The following ELP1 variants were observed in gnomAD, a reference collection of about 807,000 sequenced individuals.
The protein encoded by ELP1 is elongator complex protein 1.
Under a neutral mutation model 183.2 loss-of-function variants are expected in ELP1, and 131 were observed. The observed-to-expected ratio is 0.72, with a 90% CI of 0.62 to 0.83. The LOEUF (loss-of-function observed/expected upper bound fraction) is 0.83, where lower values mean the gene tolerates loss of function less well. Among genes scored for constraint, ELP1 ranks in the 40% least tolerant of loss-of-function variants. The pLI is 0.00. For missense variants in ELP1, 1,550 were observed against 1,594.9 expected, an observed-to-expected ratio of 0.97 and a Z score of 0.48; for synonymous variants, 555 against 569.0, an observed-to-expected ratio of 0.98 and a Z score of 0.35.
At chr9:108,901,735 C>A (rs1828818709) in intron 16 of ELP1, 54 bp from the exon 17 acceptor site, 1 of 1,522,730 alleles carries the variant, frequency 6.6e-7, no homozygotes, top group Middle Eastern at 1.7e-4. Flanking sequence ...ATCAGTTAAA[C>A]CTACCTTTTC....
Position 108,916,313 on chromosome 9 carries a change from G to C in ELP1, c.865-16C>G, listed in dbSNP as rs769617765. On this transcript the variant is annotated splice_polypyrimidine_tract_variant and intron_variant, in intron 9 of 36. Transcript: ENST00000374647. ...AGTCATTTACCTAGAAGGGAAAAAA[G>C]ATCTGTCATTGGCTTTCAGTTATGG... The C allele has an allele frequency of 1.3e-6, 2 of 1,589,950 alleles. No homozygotes were observed. The highest frequency in any genetic ancestry group is 1.3e-5 in the African/African-American group (1 of 74,576).
intron 29 of ELP1, among the ~76,000 whole-genome samples, chr9:108,886,936 C>T (rs1416520386): frequency 6.7e-6 from 1 of 149,398 alleles, no homozygotes; most frequent in Non-Finnish European, 1.5e-5. Context: ...AGGCCAGGCA[C>T]GGAGGCTCAT....
Position 108,882,200 on chromosome 9 carries a change from C to T in ELP1, c.3223-13G>A, listed in dbSNP as rs1322956221. ...CTTCTTCATAATCCTGACAAGGGAA[C>T]AGGAAGAAGACAACAAGTGAAGAGA... On this transcript the variant is annotated splice_polypyrimidine_tract_variant and intron_variant, in intron 29 of 36. Transcript: ENST00000374647. 1 of 1,611,142 alleles carries T rather than the reference C, an allele frequency of 6.2e-7. No individual in the cohort carries two copies. The highest frequency in any genetic ancestry group is 8.5e-7 in the Non-Finnish European group (1 of 1,179,002).
chr9:108,921,585 CAA>C (rs11369159), intron 6 of ELP1, among the ~76,000 whole-genome samples: 34 of 137,736 alleles, frequency 2.5e-4, no homozygotes, highest in Admixed American at 4.3e-4. Flanking sequence ...TAAGTCCTGC[CAA>C]AAAAAAAAAA....
chr9:108,922,715 G>T lies in ELP1; in HGVS notation c.552+127C>A, dbSNP rs1829689177. On this transcript the variant is annotated intron_variant, in intron 6 of 36. Transcript: ENST00000374647. ...GGGATTCATTTCCTGAAGGTTCTAGGCAGTTTTACTAAAGCAGAAGAGAAC... is the reference window on the plus strand; with the variant it reads ...GGGATTCATTTCCTGAAGGTTCTAGTCAGTTTTACTAAAGCAGAAGAGAAC... 7 of 760,774 alleles carry T rather than the reference G, an allele frequency of 9.2e-6. No individual in the cohort carries two copies. The South Asian group carries it at 9.8e-5, about 11-fold the overall frequency. 47.1% of individuals were successfully genotyped at this position (760,774 alleles called of 1,614,324 possible). A position where few individuals can be genotyped will look rare whatever the true frequency, so the allele number is the denominator to read the frequency against.
chr9:108,882,972 T>G (rs1377206276), intron 29 of ELP1, among the ~76,000 whole-genome samples: 1 of 152,234 alleles, frequency 6.6e-6, no homozygotes, highest in African/African-American at 2.4e-5. Context: ...ATATAGGATT[T>G]GCAAATATCT....
chr9:108,914,940 A>G (rs1759855), intron 10 of ELP1, among the ~76,000 whole-genome samples: 87,139 of 151,976 alleles, frequency 0.57, 25,248 homozygotes, highest in South Asian at 0.7. Context: ...TACCTACTAC[A>G]CTTTTAACAA....
At chr9:108,911,291 A>T in intron 11 of ELP1, 111 bp from the exon 12 acceptor site, 1 of 1,054,318 alleles carries the variant, frequency 9.5e-7, no homozygotes, top group Non-Finnish European at 1.4e-6. Context: ...ACAAAAAAAT[A>T]ACTTTCAATG....
chr9:108,903,821 C>CTA (rs964967648), intron 14 of ELP1, 152 bp from the exon 15 acceptor site: 1 of 565,056 alleles, frequency 1.8e-6, no homozygotes, highest in African/African-American at 3.1e-5. Context: ...ACACCCAATA[C>CTA]TATACACACA....
Position 108,868,807 on chromosome 9 carries a change from C to A in ELP1, c.*308G>T. 1.7e-6 allele frequency: 1 copy of A among 576,558 alleles called. No individual in the cohort carries two copies. Among genetic ancestry groups the A allele is most frequent in the Non-Finnish European group, 3.1e-6 (1 of 324,964 alleles). 35.7% of individuals were successfully genotyped at this position (576,558 alleles called of 1,614,324 possible). On this transcript the variant is annotated 3_prime_UTR_variant, in exon 37 of 37. Transcript: ENST00000374647. ...GTCTTCACACTTTGGAGGTAGAAATCATGAAACATTAATCTCATGATTACC... is the reference window on the plus strand; with the variant it reads ...GTCTTCACACTTTGGAGGTAGAAATAATGAAACATTAATCTCATGATTACC...
chr9:108,871,130 T>C (rs1002961606), intron 36 of ELP1, among the ~76,000 whole-genome samples: 1 of 152,146 alleles, frequency 6.6e-6, no homozygotes, highest in Non-Finnish European at 1.5e-5. Context: ...GCTTTTTCTA[T>C]AACAATGATG....
chr9:108,909,739 C>T (rs1464937307), intron 12 of ELP1, among the ~76,000 whole-genome samples: 1 of 152,146 alleles, frequency 6.6e-6, no homozygotes. Context: ...CCTCCAGGTG[C>T]CCCTGACCTA....
intron 36 of ELP1, among the ~76,000 whole-genome samples, chr9:108,870,398 A>G (rs753345232): frequency 2.6e-5 from 4 of 152,234 alleles, no homozygotes; most frequent in Non-Finnish European, 5.9e-5. Context: ...TTCCTACAAT[A>G]AAGTAAGCTA....
intron 29 of ELP1, among the ~76,000 whole-genome samples, chr9:108,887,321 AC>A (rs1480815187): frequency 2.0e-5 from 3 of 152,218 alleles, no homozygotes; most frequent in Admixed American, 1.3e-4. Context: ...TTCACTCTTA[AC>A]ACTTCTATTC....
rs370041985 is a variant in ELP1, at chr9:108,931,124, C to T, written c.23G>A (p.Arg8Gln). MRNLKLFRTLEFRDIQGP... is the reference protein window; with the variant it reads MRNLKLFQTLEFRDIQGP... ...TTGAATATCCCTGAACTCCAGGGTC[C>T]GAAATAATTTCAGATTTCGCATGAT... is the stretch of plus-strand genomic sequence containing the variant. The change falls in exon 2 of 37, where the codon CGG becomes CAG. Residue 8 changes from arginine to glutamine, a missense_variant. Arg to Gln is a conservative substitution (Grantham distance 43, BLOSUM62 1). Coordinates refer to ENST00000374647, the MANE Select transcript of ELP1 (RefSeq NM_003640.5). 3.1e-5 allele frequency: 50 copies of T among 1,613,816 alleles called. No individual in the cohort carries two copies. The highest frequency in any genetic ancestry group is 1.6e-4 in the Middle Eastern group (1 of 6,084).
At chr9:108,880,909 A>G (rs982360769) in intron 31 of ELP1, among the ~76,000 whole-genome samples, 6 of 152,222 alleles carry the variant, frequency 3.9e-5, no homozygotes, top group African/African-American at 1.4e-4. Flanking sequence ...GAATGTGCAT[A>G]CATGTAAATG....
chr9:108,916,667 A>T (rs979779107), intron 9 of ELP1, among the ~76,000 whole-genome samples: 7 of 152,210 alleles, frequency 4.6e-5, no homozygotes, highest in Admixed American at 4.6e-4. Context: ...ACTGTTATAA[A>T]TAAATATTGA....
chr9:108,922,122 T>C (rs938064170), intron 6 of ELP1, among the ~76,000 whole-genome samples: 2 of 152,174 alleles, frequency 1.3e-5, no homozygotes, highest in African/African-American at 4.8e-5. Context: ...TGCCAGAGGG[T>C]AAATATGGCA....
chr9:108,916,827 A>G (rs886235734), intron 9 of ELP1, among the ~76,000 whole-genome samples: 1 of 152,236 alleles, frequency 6.6e-6, no homozygotes, highest in Non-Finnish European at 1.5e-5. Flanking sequence ...GGAGTTCATT[A>G]AACTCGTCTC....
Sources: gnomAD v4.1 joint callset for allele counts (sites outside exome capture counted in the v4.1 genomes callset) on GRCh38, gnomAD v4.1.1 for gene constraint, MANE v1.5 for transcripts, NCBI Gene and HGNC (gene_info 2026-07-23, HGNC 2026-07-21) for gene names.